Variants in ZNF804B observed in about 807,000 individuals in gnomAD.
ZNF804B encodes zinc finger 804B.
Under a neutral mutation model 101.4 loss-of-function variants are expected in ZNF804B, and 80 were observed. The ratio of observed to expected loss-of-function variants is 0.79; its 90% confidence interval spans 0.66 to 0.95. The LOEUF is 0.95. Among genes scored for constraint, ZNF804B ranks in the 40% least tolerant of loss-of-function variants. The pLI, the probability that ZNF804B is intolerant of heterozygous loss-of-function variation, is 0.00. For missense variants in ZNF804B, 1,673 were observed against 1,561.9 expected, an observed-to-expected ratio of 1.07 and a Z score of -1.20; for synonymous variants, 622 against 558.8, an observed-to-expected ratio of 1.11 and a Z score of -1.59.
At chr7:88,923,201 T>A (rs542003336) in intron 1 of ZNF804B, among the ~76,000 whole-genome samples, 1 of 152,130 alleles carries the variant, frequency 6.6e-6, no homozygotes, top group South Asian at 2.1e-4. Flanking sequence ...AGAGAGTGAG[T>A]GTTCCTTACT....
intron 1 of ZNF804B, among the ~76,000 whole-genome samples, chr7:89,047,590 G>A (rs1789130147): frequency 6.6e-6 from 1 of 152,170 alleles, no homozygotes; most frequent in Non-Finnish European, 1.5e-5. Flanking sequence ...TATGCTGAAT[G>A]AGGTAGCCAA....
intron 1 of ZNF804B, among the ~76,000 whole-genome samples, chr7:89,203,262 T>C (rs1237111238): frequency 6.6e-6 from 1 of 152,176 alleles, no homozygotes; most frequent in Non-Finnish European, 1.5e-5. Flanking sequence ...AATTAGGCTT[T>C]CTGACTCCAG....
At position 88,759,721 on chromosome 7, in the gene ZNF804B, TGTG is replaced by T; in HGVS notation, c.-254_-252del. On this transcript the variant is annotated 5_prime_UTR_variant, in exon 1 of 4. Coordinates refer to ENST00000333190, the MANE Select transcript of ZNF804B (RefSeq NM_181646.5). ...GAGCAGCCACCTCGTCAGAGCAGCA[TGTG>T]GACTGGCTCGCCGGGTCCCCTCCGT... 3 of 517,618 alleles carry T rather than the reference TGTG, an allele frequency of 5.8e-6. No homozygotes were observed. Among genetic ancestry groups the T allele is most frequent in the Non-Finnish European group, 1.0e-5 (3 of 286,332 alleles). The allele number at this position is 517,618 out of a possible 1,614,324, so 32.1% of individuals were successfully genotyped here.
At chr7:88,766,263 T>C (rs545263105) in intron 1 of ZNF804B, among the ~76,000 whole-genome samples, 3 of 152,220 alleles carry the variant, frequency 2.0e-5, no homozygotes, top group African/African-American at 7.2e-5. Flanking sequence ...TGAACCATAA[T>C]AAGGCCACTT....
chr7:88,886,838 G>C (rs1257860350), intron 1 of ZNF804B, among the ~76,000 whole-genome samples: 2 of 151,484 alleles, frequency 1.3e-5, no homozygotes, highest in East Asian at 3.9e-4. Context: ...TTCATATCTA[G>C]TATATTGTAA....
intron 1 of ZNF804B, among the ~76,000 whole-genome samples, chr7:89,142,831 G>A (rs1444578654): frequency 6.6e-6 from 1 of 151,976 alleles, no homozygotes; most frequent in Non-Finnish European, 1.5e-5. Flanking sequence ...ATTTAACTGA[G>A]GACATCCACA....
At chr7:88,787,882 T>C (rs1457764841) in intron 1 of ZNF804B, among the ~76,000 whole-genome samples, 1 of 151,718 alleles carries the variant, frequency 6.6e-6, no homozygotes, top group Non-Finnish European at 1.5e-5. Context: ...GAAATTGGAG[T>C]GAGGAAAATG....
At chr7:89,069,944 A>G (rs1789511350) in intron 1 of ZNF804B, among the ~76,000 whole-genome samples, 1 of 152,186 alleles carries the variant, frequency 6.6e-6, no homozygotes, top group African/African-American at 2.4e-5. Context: ...TGCCTGCTAC[A>G]AACTTAGTGC....
intron 2 of ZNF804B, among the ~76,000 whole-genome samples, chr7:89,266,755 C>A (rs1206486818): frequency 1.3e-5 from 2 of 151,904 alleles, no homozygotes; most frequent in Non-Finnish European, 2.9e-5. Flanking sequence ...AAAATATTGG[C>A]ATTGTAATAA....
intron 1 of ZNF804B, among the ~76,000 whole-genome samples, chr7:89,133,364 A>G: frequency 6.6e-6 from 1 of 152,028 alleles, no homozygotes; most frequent in East Asian, 1.9e-4. Context: ...AGCCCACCTG[A>G]CTAAGGATAT....
intron 2 of ZNF804B, among the ~76,000 whole-genome samples, chr7:89,238,430 C>T (rs937292791): frequency 1.3e-5 from 2 of 152,020 alleles, no homozygotes; most frequent in Non-Finnish European, 2.9e-5. Flanking sequence ...TAGTGGGTTG[C>T]AACTAGTAAT....
chr7:88,948,241 C>G (rs1027105984), intron 1 of ZNF804B, among the ~76,000 whole-genome samples: 4 of 151,152 alleles, frequency 2.6e-5, no homozygotes, highest in Non-Finnish European at 5.9e-5. Flanking sequence ...CTAAAAAACC[C>G]TAGTTGTTCT....
rs187810011 is a variant in ZNF804B at position 89,106,567 on chromosome 7, A to G, written c.109-111588A>G. On this transcript the variant is annotated intron_variant, in intron 1 of 3. Transcript: ENST00000333190. Reference sequence around the variant, plus strand: ...TACACTTCTGAATGAAGAATTGATAATACTATTACAATCTAATGAAAAGAA... The same window carrying G: ...TACACTTCTGAATGAAGAATTGATAGTACTATTACAATCTAATGAAAAGAA... 4.0e-3 allele frequency among the ~76,000 whole-genome samples: 615 copies of G among 152,242 alleles called. 9 individuals are homozygous for G. The highest frequency in any genetic ancestry group is 0.014 in the African/African-American group (591 of 41,564).
chr7:88,792,064 G>A (rs1027265589), intron 1 of ZNF804B, among the ~76,000 whole-genome samples: 1 of 152,072 alleles, frequency 6.6e-6, no homozygotes, highest in African/African-American at 2.4e-5. Context: ...ATTGCTCACA[G>A]CATAGTGTTT....
At chr7:89,169,539 C>T (rs1307441371) in intron 1 of ZNF804B, among the ~76,000 whole-genome samples, 1 of 152,080 alleles carries the variant, frequency 6.6e-6, no homozygotes, top group East Asian at 1.9e-4. Flanking sequence ...AATTCTTAGT[C>T]GGCCTAGGAA....
chr7:89,326,524 A>G (rs1414294074), intron 2 of ZNF804B, among the ~76,000 whole-genome samples: 2 of 152,068 alleles, frequency 1.3e-5, no homozygotes, highest in Non-Finnish European at 2.9e-5. Flanking sequence ...GTTTAAAATC[A>G]CTTTGTATGA....
intron 1 of ZNF804B, among the ~76,000 whole-genome samples, chr7:88,864,997 G>A (rs569639769): frequency 1.3e-5 from 2 of 152,238 alleles, no homozygotes; most frequent in East Asian, 1.9e-4. Context: ...GGGAGGCCAA[G>A]GCAGGTGGAT....
intron 1 of ZNF804B, among the ~76,000 whole-genome samples, chr7:88,819,286 G>T (rs1274836255): frequency 8.6e-6 from 1 of 116,372 alleles, no homozygotes; most frequent in Non-Finnish European, 1.7e-5. Flanking sequence ...TCCACACCTG[G>T]CTATTTTTTT....
At chr7:89,111,244 G>A (rs2116352416) in intron 1 of ZNF804B, among the ~76,000 whole-genome samples, 1 of 152,320 alleles carries the variant, frequency 6.6e-6, no homozygotes, top group South Asian at 2.1e-4. Flanking sequence ...CCTGGACAAA[G>A]ATCAAAGAAT....
Sources: allele counts gnomAD v4.1 joint callset (sites outside exome capture counted in the v4.1 genomes callset), GRCh38; gene constraint gnomAD v4.1.1; transcripts MANE v1.5; gene names NCBI Gene and HGNC (gene_info 2026-07-23, HGNC 2026-07-21).